AGO3: variants seen among roughly 807,000 people sequenced by gnomAD.
The protein encoded by AGO3 is protein argonaute-3.
Under a neutral mutation model 105.5 loss-of-function variants are expected in AGO3, and 16 were observed. That is an observed-to-expected ratio of 0.15 (90% CI 0.10 to 0.23). The LOEUF (loss-of-function observed/expected upper bound fraction) is 0.23. AGO3 is among the 10% of genes least tolerant of loss of function. The pLI is 1.00. For synonymous variants in AGO3, 340 were observed against 367.3 expected, an observed-to-expected ratio of 0.93 and a Z score of 0.85; for missense variants, 534 against 1,088.0, an observed-to-expected ratio of 0.49 and a Z score of 7.16.
At chr1:36,038,342 G>A (rs551176885) in intron 14 of AGO3, among the ~76,000 whole-genome samples, 21 of 138,210 alleles carry the variant, frequency 1.5e-4, no homozygotes, top group African/African-American at 5.4e-4. Context: ...TGCAAGCTCC[G>A]CCTCCCGGGT....
chr1:35,948,604 G>A (rs975613194), intron 2 of AGO3, among the ~76,000 whole-genome samples: 3 of 151,954 alleles, frequency 2.0e-5, no homozygotes, highest in Admixed American at 2.0e-4. Flanking sequence ...GTAGGGTGTG[G>A]GTAAAGGAAA....
At chr1:36,051,215 A>G (rs1642704350) in intron 17 of AGO3, among the ~76,000 whole-genome samples, 1 of 152,168 alleles carries the variant, frequency 6.6e-6, no homozygotes, top group South Asian at 2.1e-4. Context: ...GATTACAGTC[A>G]TGAGTTACCA....
At chr1:36,047,341 T>A (rs1642516676) in intron 17 of AGO3, among the ~76,000 whole-genome samples, 1 of 151,518 alleles carries the variant, frequency 6.6e-6, no homozygotes, top group African/African-American at 2.4e-5. Context: ...AGCTGAAGAA[T>A]TCAATGGAAA....
At chr1:36,042,604 CT>C (rs1408495870) in intron 16 of AGO3, among the ~76,000 whole-genome samples, 1 of 152,138 alleles carries the variant, frequency 6.6e-6, no homozygotes, top group East Asian at 1.9e-4. Context: ...AAAATAGTTT[CT>C]GATTTGCTAG....
chr1:36,020,524 C>G (rs1569823022), intron 11 of AGO3, among the ~76,000 whole-genome samples: 1 of 152,258 alleles, frequency 6.6e-6, no homozygotes, highest in East Asian at 1.9e-4. Flanking sequence ...TTACCAAGGT[C>G]CATTTCATCT....
rs191259170 is a variant in AGO3 at position 36,068,494 on chromosome 1, A to G, written c.*12749A>G. ...GCCTGGGCAATACAGCAAGACCCCA[A>G]TCTTTAAAATAAATAAATAAATAAG... On this transcript the variant is annotated 3_prime_UTR_variant, in exon 19 of 19. Transcript: ENST00000373191. The G allele has an allele frequency of 1.3e-5, 2 of 152,314 alleles. No individual in the cohort carries two copies. Among genetic ancestry groups the G allele is most frequent in the Admixed American group, 6.5e-5 (1 of 15,294 alleles). The allele number at this position is 152,314 out of a possible 1,614,324, so 9.4% of individuals were successfully genotyped here. A position where few individuals can be genotyped will look rare whatever the true frequency, so the allele number is the denominator to read the frequency against.
At chr1:35,950,843 A>G (rs181136244) in intron 2 of AGO3, among the ~76,000 whole-genome samples, 1 of 152,352 alleles carries the variant, frequency 6.6e-6, no homozygotes, top group East Asian at 1.9e-4. Flanking sequence ...AATGGAATAG[A>G]TACATGTTAA....
intron 9 of AGO3, among the ~76,000 whole-genome samples, chr1:36,012,372 C>T (rs1330116397): frequency 2.0e-5 from 3 of 151,294 alleles, no homozygotes; most frequent in African/African-American, 7.3e-5. Flanking sequence ...AATGACTTTT[C>T]CTGCTTATTG....
At chr1:36,037,254 T>C (rs1642051598) in intron 14 of AGO3, among the ~76,000 whole-genome samples, 1 of 152,176 alleles carries the variant, frequency 6.6e-6, no homozygotes, top group African/African-American at 2.4e-5. Flanking sequence ...GCGCGGTGGC[T>C]CACGCCTAGA....
In AGO3 at chr1:35,992,532, GT is replaced by G. The variant is rs560631897; in HGVS notation, c.659-11807del. Among the ~76,000 whole-genome samples the G allele has an allele frequency of 1.1e-3, 167 of 152,012 alleles. 1 individual carries two copies. Among genetic ancestry groups the G allele is most frequent in the African/African-American group, 3.9e-3 (160 of 41,454 alleles). On this transcript the variant is annotated intron_variant, in intron 5 of 18. Coordinates refer to ENST00000373191, the MANE Select transcript of AGO3 (RefSeq NM_024852.4). ...CCTTAAATTTTTTTTTAAATTCATA[GT>G]TACAGTGGAGTTTGAGAAAGGAATG...
chr1:36,041,581 C>T (rs1642253469), intron 16 of AGO3, among the ~76,000 whole-genome samples: 2 of 152,126 alleles, frequency 1.3e-5, no homozygotes, highest in Non-Finnish European at 2.9e-5. Context: ...AGACAGCAGT[C>T]TTACTGTCAT....
intron 11 of AGO3, among the ~76,000 whole-genome samples, chr1:36,024,337 A>G (rs779736709): frequency 7.2e-5 from 11 of 151,848 alleles, no homozygotes; most frequent in Non-Finnish European, 1.3e-4. Context: ...GGATCTCACT[A>G]TGTTGCCTAG....
chr1:36,064,433 A>T lies in AGO3; in HGVS notation c.*8688A>T, dbSNP rs1643063205. On this transcript the variant is annotated 3_prime_UTR_variant, in exon 19 of 19. Transcript: ENST00000373191. ...GTACATGAAAAAAGTATATTCCCTT[A>T]AGCAGGTAAAATACTTGCATTGTAT... 6.6e-6 allele frequency: 1 copy of T among 152,202 alleles called. No individual in the cohort carries two copies. Among genetic ancestry groups the T allele is most frequent in the Admixed American group, 6.5e-5 (1 of 15,276 alleles). The allele number at this position is 152,202 out of a possible 1,614,324, so 9.4% of individuals were successfully genotyped here. A position where few individuals can be genotyped will look rare whatever the true frequency, so the allele number is the denominator to read the frequency against.
intron 5 of AGO3, among the ~76,000 whole-genome samples, chr1:35,996,386 G>C (rs1288348454): frequency 1.3e-5 from 2 of 150,094 alleles, no homozygotes; most frequent in Non-Finnish European, 3.0e-5. Flanking sequence ...AAACGTAACA[G>C]AACAACGCTT....
At chr1:35,973,082 T>C (rs1646897478) in intron 4 of AGO3, among the ~76,000 whole-genome samples, 1 of 151,932 alleles carries the variant, frequency 6.6e-6, no homozygotes, top group Non-Finnish European at 1.5e-5. Context: ...ATTTACTTGT[T>C]AACATTTTTA....
At chr1:35,938,880 T>C (rs1372527354) in intron 1 of AGO3, among the ~76,000 whole-genome samples, 1 of 152,212 alleles carries the variant, frequency 6.6e-6, no homozygotes, top group Non-Finnish European at 1.5e-5. Flanking sequence ...TGCTGTAGGC[T>C]ATTGTTTAGC....
chr1:35,932,377 T>A (rs1646067536), intron 1 of AGO3, among the ~76,000 whole-genome samples: 1 of 152,224 alleles, frequency 6.6e-6, no homozygotes, highest in South Asian at 2.1e-4. Flanking sequence ...GTCTTGTTAC[T>A]AATGGTGTTA....
chr1:35,996,236 G>A (rs1354670315), intron 5 of AGO3, among the ~76,000 whole-genome samples: 1 of 151,208 alleles, frequency 6.6e-6, no homozygotes, highest in Non-Finnish European at 1.5e-5. Context: ...GAGGTGAGAA[G>A]ATTACTTGAG....
chr1:36,051,759 T>C (rs1462936430), intron 17 of AGO3, among the ~76,000 whole-genome samples: 1 of 152,002 alleles, frequency 6.6e-6, no homozygotes, highest in Non-Finnish European at 1.5e-5. Flanking sequence ...GCAAAAATAA[T>C]AATAATAATT....
Sources: gnomAD v4.1 joint callset for allele counts (sites outside exome capture counted in the v4.1 genomes callset) on GRCh38, gnomAD v4.1.1 for gene constraint, MANE v1.5 for transcripts, NCBI Gene and HGNC (gene_info 2026-07-23, HGNC 2026-07-21) for gene names.